The following ADAMTS6 variants were observed in gnomAD, a reference collection of about 807,000 sequenced individuals.
ADAMTS6 encodes the protein A disintegrin and metalloproteinase with thrombospondin motifs 6.
ADAMTS6 carries 23 observed loss-of-function variants against 144.3 expected under a neutral mutation model. The ratio of observed to expected loss-of-function variants is 0.16; its 90% CI spans 0.11 to 0.23. The LOEUF (loss-of-function observed/expected upper bound fraction) is 0.23. Among genes scored for constraint, ADAMTS6 ranks in the 10% least tolerant of loss-of-function variants. The pLI, the probability that ADAMTS6 is intolerant of heterozygous loss-of-function variation, is 1.00. For synonymous variants in ADAMTS6, 444 were observed against 457.5 expected (o/e 0.97, Z 0.38); for missense variants, 999 against 1,379.6 (o/e 0.72, Z 4.37).
At chr5:65,178,235 A>T (rs1026228172) in intron 22 of ADAMTS6, among the ~76,000 whole-genome samples, 2 of 152,126 alleles carry the variant, frequency 1.3e-5, no homozygotes, top group East Asian at 3.9e-4. Flanking sequence ...ACATTTCATC[A>T]ATCAGAGGGA....
In ADAMTS6 at chr5:65,308,253, T is replaced by C. The variant is rs186237729; in HGVS notation, c.1224-8122A>G. On this transcript the variant is annotated intron_variant, in intron 9 of 24. Coordinates refer to ENST00000381055, the MANE Select transcript of ADAMTS6 (RefSeq NM_197941.4). Reference sequence around the variant, plus strand: ...TTCACTGGAGTGTTATTTGGTTATGTGTGCTTTTGTTAAGAACTACTGGTG... The same window carrying C: ...TTCACTGGAGTGTTATTTGGTTATGCGTGCTTTTGTTAAGAACTACTGGTG... 7.9e-5 allele frequency among the ~76,000 whole-genome samples: 12 copies of C among 152,346 alleles called. No individual in the cohort carries two copies. The East Asian group carries it at 1.7e-3, about 22-fold the overall frequency.
chr5:65,170,564 C>T, intron 24 of ADAMTS6, 53 bp downstream of exon 24: 3 of 1,593,880 alleles, frequency 1.9e-6, no homozygotes, highest in Non-Finnish European at 2.6e-6. Context: ...ACCCTGGGAA[C>T]AGTAAAGGTG....
intron 1 of ADAMTS6, among the ~76,000 whole-genome samples, chr5:65,478,653 A>T (rs1476472461): frequency 6.6e-6 from 1 of 150,662 alleles, no homozygotes; most frequent in Non-Finnish European, 1.5e-5. Context: ...TCTTTCCCTC[A>T]AAAATGTGAA....
rs1269820962 is a variant in ADAMTS6 at position 65,470,880 on chromosome 5, T to G, written c.360A>C (p.Gly120=). ...HFTVEYWGKD[G]PQWKHDFLDN... ...CTAAAAAATCATGTTTCCACTGGGG[T>G]CCATCTTTCCCCCAATATTCTACTG... The change falls in exon 3 of 25, where the codon GGA becomes GGC. Residue 120 remains glycine (G), a synonymous_variant. Coordinates refer to ENST00000381055, the MANE Select transcript of ADAMTS6 (RefSeq NM_197941.4). The G allele has an allele frequency of 7.4e-6, 12 of 1,610,810 alleles. No homozygotes were observed. The highest frequency in any genetic ancestry group is 9.3e-6 in the Non-Finnish European group (11 of 1,179,226).
chr5:65,291,990 C>T (rs1742361561), intron 10 of ADAMTS6, among the ~76,000 whole-genome samples: 1 of 152,064 alleles, frequency 6.6e-6, no homozygotes, highest in Non-Finnish European at 1.5e-5. Flanking sequence ...ACAGATGAGG[C>T]CAACGACCAA....
At chr5:65,335,186 C>T (rs934920667) in intron 7 of ADAMTS6, among the ~76,000 whole-genome samples, 8 of 151,962 alleles carry the variant, frequency 5.3e-5, no homozygotes, top group African/African-American at 1.7e-4. Flanking sequence ...CTGGAGATAC[C>T]CTCTGTCTAT....
intron 22 of ADAMTS6, among the ~76,000 whole-genome samples, chr5:65,177,310 G>A (rs1043705463): frequency 2.6e-5 from 4 of 151,952 alleles, no homozygotes; most frequent in Admixed American, 6.6e-5. Flanking sequence ...TTCTTCCCTC[G>A]CTCTATTGCT....
rs749984147 is a variant in ADAMTS6 at position 65,313,574 on chromosome 5, T to A, written c.1224-13443A>T. On this transcript the variant is annotated intron_variant, in intron 9 of 24. Transcript: ENST00000381055. ...CTACTTTAATAATAATAGCAATATG[T>A]TCTAATCTGAAAAATCTAAAAATTT... Among the ~76,000 whole-genome samples the A allele has an allele frequency of 2.0e-4, 31 of 152,020 alleles. 1 individual carries two copies. The highest frequency in any genetic ancestry group is 8.5e-4 in the Admixed American group (13 of 15,254).
At chr5:65,447,824 CTAT>C (rs1232104787) in intron 7 of ADAMTS6, among the ~76,000 whole-genome samples, 5 of 134,726 alleles carry the variant, frequency 3.7e-5, no homozygotes, top group Non-Finnish European at 6.2e-5. Context: ...TATTATTCTA[CTAT>C]TAATGTATAT....
intron 7 of ADAMTS6, among the ~76,000 whole-genome samples, chr5:65,434,008 TC>T: frequency 6.6e-6 from 1 of 152,218 alleles, no homozygotes; most frequent in Non-Finnish European, 1.5e-5. Flanking sequence ...AACAACCCAG[TC>T]CATCAACTGA....
At chr5:65,159,200 GT>G (rs1392453691) in intron 24 of ADAMTS6, among the ~76,000 whole-genome samples, 2 of 151,922 alleles carry the variant, frequency 1.3e-5, no homozygotes, top group Non-Finnish European at 2.9e-5. Flanking sequence ...ATCTGCCTTA[GT>G]TCACGCCTCC....
intron 15 of ADAMTS6, among the ~76,000 whole-genome samples, 157 bp downstream of exon 15, chr5:65,241,947 G>C (rs183595281): frequency 8.5e-5 from 13 of 152,226 alleles, no homozygotes; most frequent in African/African-American, 2.4e-4. Context: ...AAACCATGAA[G>C]CCTTTATAGT....
At chr5:65,267,714 A>T (rs552937022) in intron 12 of ADAMTS6, among the ~76,000 whole-genome samples, 59 of 152,190 alleles carry the variant, frequency 3.9e-4, no homozygotes, top group African/African-American at 1.1e-3. Context: ...TTTAAAAAAA[A>T]TTTTTTTCTA....
intron 20 of ADAMTS6, among the ~76,000 whole-genome samples, chr5:65,211,679 C>G (rs1027198319): frequency 1.3e-5 from 2 of 152,050 alleles, no homozygotes; most frequent in African/African-American, 2.4e-5. Flanking sequence ...TTGGTTTTAC[C>G]TACCTATGCT....
chr5:65,224,888 CAG>C, intron 17 of ADAMTS6, 34 bp downstream of exon 17: 1 of 1,586,726 alleles, frequency 6.3e-7, no homozygotes, highest in Non-Finnish European at 8.6e-7. Context: ...CCAAGTACAC[CAG>C]AGGTGTGAGG....
intron 7 of ADAMTS6, among the ~76,000 whole-genome samples, chr5:65,421,148 T>C (rs973121465): frequency 1.3e-5 from 2 of 152,220 alleles, no homozygotes; most frequent in Admixed American, 6.5e-5. Flanking sequence ...TTCATTGTGT[T>C]ATTTTAGAGT....
intron 15 of ADAMTS6, among the ~76,000 whole-genome samples, chr5:65,235,017 T>C (rs776382693): frequency 2.0e-5 from 3 of 152,168 alleles, no homozygotes; most frequent in Non-Finnish European, 4.4e-5. Context: ...CTCACTTATA[T>C]GTGGAATCTA....
At chr5:65,155,757 G>A (rs929251119) in intron 24 of ADAMTS6, among the ~76,000 whole-genome samples, 2 of 152,130 alleles carry the variant, frequency 1.3e-5, no homozygotes, top group Non-Finnish European at 2.9e-5. Flanking sequence ...GCATCTAAAC[G>A]CAAGAAGTTT....
At chr5:65,376,237 T>G (rs987399121) in intron 7 of ADAMTS6, among the ~76,000 whole-genome samples, 1 of 152,048 alleles carries the variant, frequency 6.6e-6, no homozygotes, top group Non-Finnish European at 1.5e-5. Flanking sequence ...ATTGTGCACA[T>G]GTACCCTAAA....
Sources: allele counts gnomAD v4.1 joint callset (sites outside exome capture counted in the v4.1 genomes callset), GRCh38; gene constraint gnomAD v4.1.1; transcripts MANE v1.5; gene names NCBI Gene and HGNC (gene_info 2026-07-23, HGNC 2026-07-21).